The following CCSER1 variants were observed in gnomAD, a reference collection of about 807,000 sequenced individuals.
CCSER1 encodes serine-rich coiled-coil domain-containing protein 1.
In CCSER1, 41 loss-of-function variants were observed where a neutral mutation model predicts 82.0. The observed-to-expected ratio is 0.50, with a 90% confidence interval of 0.39 to 0.65. The LOEUF is 0.65. Ranked by LOEUF, CCSER1 falls within the 30% of genes least tolerant of loss-of-function variation. The pLI is 0.00. For missense variants in CCSER1, 1,119 were observed against 1,064.2 expected (o/e 1.05, Z -0.72); for synonymous variants, 414 against 383.9 (o/e 1.08, Z -0.92).
intron 9 of CCSER1, among the ~76,000 whole-genome samples, chr4:90,934,545 A>G (rs1730679731): frequency 6.6e-6 from 1 of 152,212 alleles, no homozygotes; most frequent in Admixed American, 6.5e-5. Flanking sequence ...AAGTTAAACA[A>G]TACCATGAAT....
At chr4:91,089,875 A>G (rs1182289334) in intron 10 of CCSER1, among the ~76,000 whole-genome samples, 1 of 152,188 alleles carries the variant, frequency 6.6e-6, no homozygotes, top group Non-Finnish European at 1.5e-5. Flanking sequence ...GGAAACAGAA[A>G]TTAGTAAGGT....
intron 10 of CCSER1, among the ~76,000 whole-genome samples, chr4:91,395,910 C>T (rs1057086058): frequency 6.6e-6 from 1 of 152,082 alleles, no homozygotes; most frequent in African/African-American, 2.4e-5. Context: ...TTGCAAATGT[C>T]ATAAACAGCT....
At chr4:90,782,395 G>A (rs534307643) in intron 7 of CCSER1, among the ~76,000 whole-genome samples, 5 of 152,098 alleles carry the variant, frequency 3.3e-5, no homozygotes, top group East Asian at 1.9e-4. Context: ...GATTTGAGAC[G>A]TACAATGACA....
chr4:90,366,713 G>T (rs1746351773), intron 3 of CCSER1, among the ~76,000 whole-genome samples: 1 of 151,630 alleles, frequency 6.6e-6, no homozygotes, highest in South Asian at 2.1e-4. Context: ...TAATTATTTG[G>T]GTTTTTAGTA....
chr4:91,540,475 G>A (rs190662977), intron 10 of CCSER1, among the ~76,000 whole-genome samples: 12 of 152,108 alleles, frequency 7.9e-5, no homozygotes, highest in Admixed American at 2.6e-4. Context: ...TATCAGATGC[G>A]TATTGAATAT....
intron 10 of CCSER1, among the ~76,000 whole-genome samples, chr4:91,275,692 G>T (rs1742375221): frequency 6.6e-6 from 1 of 151,936 alleles, no homozygotes; most frequent in South Asian, 2.1e-4. Flanking sequence ...AATCTCATTT[G>T]CCTACTTGTG....
At chr4:91,564,718 T>A (rs918185069) in intron 10 of CCSER1, among the ~76,000 whole-genome samples, 1 of 151,870 alleles carries the variant, frequency 6.6e-6, no homozygotes, top group African/African-American at 2.4e-5. Flanking sequence ...ATTTTCCCAC[T>A]TTTTAATGCT....
chr4:90,833,508 G>A (rs893553021), intron 8 of CCSER1, among the ~76,000 whole-genome samples: 2 of 152,026 alleles, frequency 1.3e-5, no homozygotes, highest in African/African-American at 4.8e-5. Flanking sequence ...TTCCTTGTGT[G>A]TTTCTTTTTT....
At chr4:90,691,392 G>C (rs749374006) in intron 6 of CCSER1, among the ~76,000 whole-genome samples, 2 of 150,420 alleles carry the variant, frequency 1.3e-5, no homozygotes, top group Non-Finnish European at 3.0e-5. Context: ...TCATATATAT[G>C]TGTGTATCCC....
chr4:90,517,271 TTG>T (rs1344728170), intron 5 of CCSER1, among the ~76,000 whole-genome samples: 1 of 152,184 alleles, frequency 6.6e-6, no homozygotes, highest in African/African-American at 2.4e-5. Context: ...TGAGTGTGTA[TTG>T]TTTTTGCTTT....
intron 4 of CCSER1, among the ~76,000 whole-genome samples, 168 bp downstream of exon 4, chr4:90,400,297 T>A (rs1329177181): frequency 6.6e-6 from 1 of 152,104 alleles, no homozygotes; most frequent in African/African-American, 2.4e-5. Flanking sequence ...TTTGGGTGCG[T>A]TAAATGATTT....
At chr4:91,212,650 A>T (rs1253280610) in intron 10 of CCSER1, among the ~76,000 whole-genome samples, 1 of 152,186 alleles carries the variant, frequency 6.6e-6, no homozygotes, top group African/African-American at 2.4e-5. Context: ...AGGGTAAAAG[A>T]AAAAGTGAAT....
At chr4:91,004,578 G>A (rs748545001) in intron 9 of CCSER1, among the ~76,000 whole-genome samples, 6 of 152,076 alleles carry the variant, frequency 3.9e-5, no homozygotes, top group East Asian at 1.9e-4. Context: ...AATGTTGTAC[G>A]AAACTTAAGA....
intron 1 of CCSER1, among the ~76,000 whole-genome samples, chr4:90,273,014 C>CA (rs200417341): frequency 0.051 from 7,382 of 144,920 alleles, 477 homozygotes; most frequent in African/African-American, 0.17. Flanking sequence ...AAAAAACAAA[C>CA]AAACAAACAA....
intron 10 of CCSER1, among the ~76,000 whole-genome samples, chr4:91,579,232 T>G (rs1763609050): frequency 6.6e-6 from 1 of 151,722 alleles, no homozygotes; most frequent in Non-Finnish European, 1.5e-5. Context: ...TTTATTTCCT[T>G]TTTAAAATTT....
chr4:90,703,721 T>A (rs1184645868), intron 6 of CCSER1, among the ~76,000 whole-genome samples: 1 of 152,196 alleles, frequency 6.6e-6, no homozygotes, highest in African/African-American at 2.4e-5. Flanking sequence ...CCTTTACCAT[T>A]GTGTAATGTC....
At chr4:91,408,657 G>A (rs1265349337) in intron 10 of CCSER1, among the ~76,000 whole-genome samples, 4 of 152,020 alleles carry the variant, frequency 2.6e-5, no homozygotes, top group Non-Finnish European at 5.9e-5. Context: ...TTTGCTGCTG[G>A]GGCATTCAGT....
At chr4:90,632,616 T>C (rs1017060224) in intron 6 of CCSER1, among the ~76,000 whole-genome samples, 1 of 152,238 alleles carries the variant, frequency 6.6e-6, no homozygotes, top group East Asian at 1.9e-4. Flanking sequence ...GCTCTAAATA[T>C]TCTGCTTCAG....
At chr4:90,370,033 C>G (rs1747104213) in intron 3 of CCSER1, 1 of 152,048 alleles carries the variant, frequency 6.6e-6, no homozygotes, top group Non-Finnish European at 1.5e-5. Flanking sequence ...CTCAAAGAAG[C>G]ACAGCAAATG....
Sources: gnomAD v4.1 joint callset for allele counts (sites outside exome capture counted in the v4.1 genomes callset) on GRCh38, gnomAD v4.1.1 for gene constraint, MANE v1.5 for transcripts, NCBI Gene and HGNC (gene_info 2026-07-23, HGNC 2026-07-21) for gene names.